RYR1: variants seen among roughly 807,000 people sequenced by gnomAD.
The protein encoded by RYR1 is central core disease of muscle.
Under a neutral mutation model 583.5 loss-of-function variants are expected in RYR1, and 342 were observed. The ratio of observed to expected loss-of-function variants is 0.59; its 90% confidence interval spans 0.54 to 0.64. The LOEUF (loss-of-function observed/expected upper bound fraction) is 0.64. RYR1 is among the 30% of genes least tolerant of loss of function. The pLI is 0.00. For synonymous variants in RYR1, 2,791 were observed against 2,822.5 expected, an observed-to-expected ratio of 0.99 and a Z score of 0.35; for missense variants, 6,032 against 6,917.2, an observed-to-expected ratio of 0.87 and a Z score of 4.54.
Position 38,528,335 on chromosome 19 carries a change from C to T in RYR1, c.10854C>T (p.Ala3618=), listed in dbSNP as rs1163398997. Residue 3618 remains alanine, a synonymous_variant, in exon 74 of 106, where the codon GCC becomes GCT. Transcript: ENST00000359596. ...AGCACCCTTACAAGTCTAAGAAGGC[C>T]GTGTGGCACAAGCTTTTGTCCAAAC... ...QTEHPYKSKK[A]VWHKLLSKQR... 7 of 1,614,110 alleles carry T rather than the reference C, an allele frequency of 4.3e-6. No homozygotes were observed. Among genetic ancestry groups the T allele is most frequent in the East Asian group, 2.2e-5 (1 of 44,866 alleles).
At chr19:38,560,064 T>C (rs767409441) in intron 89 of RYR1, among the ~76,000 whole-genome samples, 2 of 152,206 alleles carry the variant, frequency 1.3e-5, no homozygotes, top group Admixed American at 1.3e-4. Context: ...AGAAAAGTGT[T>C]GTCTGAAAGA....
intron 31 of RYR1, 65 bp downstream of exon 31, chr19:38,478,665 A>G: frequency 6.3e-7 from 1 of 1,579,272 alleles, no homozygotes; most frequent in Non-Finnish European, 8.6e-7. Flanking sequence ...CAGCTCTTAT[A>G]GATGTCCCCT....
At chr19:38,495,565 T>A (rs1334539917) in intron 39 of RYR1, among the ~76,000 whole-genome samples, 2 of 152,150 alleles carry the variant, frequency 1.3e-5, no homozygotes, top group Admixed American at 1.3e-4. Context: ...CAGGCTGGTC[T>A]TGGACTCCTG....
At position 38,496,290 on chromosome 19, in the gene RYR1, G is replaced by A; in HGVS notation, c.6624G>A (p.Met2208Ile). The change falls in exon 40 of 106, where the codon ATG becomes ATA. Residue 2208 changes from methionine (M) to isoleucine (I), a missense_variant. Physicochemically the swap from Met to Ile is conservative, Grantham distance 10. Coordinates refer to ENST00000359596, the MANE Select transcript of RYR1 (RefSeq NM_000540.3). The surrounding 1 kb of genome is among the most constrained non-coding windows in gnomAD (Gnocchi z 4.8). ...CGCTGGGCATGCACGAGACGGTCAT[G>A]GAGGTCATGGTCAACGTCCTCGGGG... ...MRALGMHETV[M>I]EVMVNVLGGG... 1 of 1,614,040 alleles carries A rather than the reference G, an allele frequency of 6.2e-7. No homozygotes were observed. Among genetic ancestry groups the A allele is most frequent in the Non-Finnish European group, 8.5e-7 (1 of 1,180,038 alleles).
chr19:38,565,343 T>A lies in RYR1; in HGVS notation c.13009T>A (p.Trp4337Arg). ...EAATAVAALLWAAVTRAGAAG... is the reference protein window; with the variant it reads ...EAATAVAALLRAAVTRAGAAG... Reference sequence around the variant, plus strand: ...GGCCACCGCAGTGGCGGCGCTGCTCTGGGCAGCAGTGACGCGCGCTGGGGC... The same window carrying A: ...GGCCACCGCAGTGGCGGCGCTGCTCAGGGCAGCAGTGACGCGCGCTGGGGC... The change falls in exon 91 of 106, where the codon TGG (tryptophan) becomes AGG (arginine). Residue 4337 changes from tryptophan (W) to arginine (R), a missense_variant. Trp to Arg is a moderately radical substitution (Grantham distance 101). This residue lies in a region of RYR1 where 753 missense variants were observed against 759.6 expected (regional missense o/e 0.99). Coordinates refer to ENST00000359596, the MANE Select transcript of RYR1 (RefSeq NM_000540.3). This position sits in a 1 kb window ranked among gnomAD's most constrained non-coding sequence, Gnocchi z 4.7. 8.0e-7 allele frequency: 1 copy of A among 1,256,014 alleles called. No homozygotes were observed. Among genetic ancestry groups the A allele is most frequent in the South Asian group, 3.0e-5 (1 of 33,740 alleles). 77.8% of individuals were successfully genotyped at this position (1,256,014 alleles called of 1,614,324 possible). A position where few individuals can be genotyped will look rare whatever the true frequency, so the allele number is the denominator to read the frequency against.
At chr19:38,541,209 A>G (rs1972174803) in intron 84 of RYR1, among the ~76,000 whole-genome samples, 1 of 152,198 alleles carries the variant, frequency 6.6e-6, no homozygotes, top group Non-Finnish European at 1.5e-5. Context: ...GGGCCTGAGC[A>G]CTGGGGTTTT....
chr19:38,499,551 C>T lies in RYR1; in HGVS notation c.7028-84C>T, dbSNP rs1970003117. ...GGAGCTGGATGGGACCTGTGTTACC[C>T]CTGGAGGTGTTGGGTCCTGGGGCTG... On this transcript the variant is annotated intron_variant, in intron 43 of 105. Coordinates refer to ENST00000359596, the MANE Select transcript of RYR1 (RefSeq NM_000540.3). This position sits in a 1 kb window ranked among gnomAD's most constrained non-coding sequence, Gnocchi z 7.3. 6.8e-7 allele frequency: 1 copy of T among 1,475,546 alleles called. No individual in the cohort carries two copies. The highest frequency in any genetic ancestry group is 9.3e-7 in the Non-Finnish European group (1 of 1,079,870). 91.4% of individuals were successfully genotyped at this position (1,475,546 alleles called of 1,614,324 possible). A position where few individuals can be genotyped will look rare whatever the true frequency, so the allele number is the denominator to read the frequency against.
rs763261800 is a variant in RYR1 at position 38,512,209 on chromosome 19, G to A, written c.9234-36G>A. On this transcript the variant is annotated intron_variant, in intron 62 of 105. Transcript: ENST00000359596. This position sits in a 1 kb window ranked among gnomAD's most constrained non-coding sequence, Gnocchi z 5.1. ...CAACCCCTGGTCTCCTAGACTCTCCGATTCCAGAGCTGATGTTCCCCCGCT... is the reference window on the plus strand; with the variant it reads ...CAACCCCTGGTCTCCTAGACTCTCCAATTCCAGAGCTGATGTTCCCCCGCT... 10 of 1,613,934 alleles carry A rather than the reference G, an allele frequency of 6.2e-6. No individual in the cohort carries two copies. The highest frequency in any genetic ancestry group is 5.5e-5 in the South Asian group (5 of 91,084).
chr19:38,532,745 G>T lies in RYR1; in HGVS notation c.11259+9G>T, dbSNP rs766539819. On this transcript the variant is annotated intron_variant, in intron 78 of 105. Coordinates refer to ENST00000359596, the MANE Select transcript of RYR1 (RefSeq NM_000540.3). Reference sequence around the variant, plus strand: ...TTGAGGTCTCCTTTGAGGTAGGTGGGCTCAGGAGGTCCTGGAGGGAAGGGA... The same window carrying T: ...TTGAGGTCTCCTTTGAGGTAGGTGGTCTCAGGAGGTCCTGGAGGGAAGGGA... 1.9e-6 allele frequency: 3 copies of T among 1,613,638 alleles called. No individual in the cohort carries two copies. Among genetic ancestry groups the T allele is most frequent in the Non-Finnish European group, 2.5e-6 (3 of 1,179,864 alleles).
chr19:38,500,867 C>A lies in RYR1; in HGVS notation c.7491C>A (p.Asp2497Glu). ...QPKMSASFVP[D>E]HKASMVLFLD... ...AGATGTCAGCATCCTTCGTGCCGGA[C>A]CACAAGGCGTCCATGGTGCTCTTCC... The change falls in exon 47 of 106, where the codon GAC (aspartate) becomes GAA (glutamate). Residue 2497 changes from aspartate to glutamate, a missense_variant. Coordinates refer to ENST00000359596, the MANE Select transcript of RYR1 (RefSeq NM_000540.3). The surrounding 1 kb of genome is among the most constrained non-coding windows in gnomAD (Gnocchi z 5.9). 6.2e-7 allele frequency: 1 copy of A among 1,614,072 alleles called. No homozygotes were observed. Among genetic ancestry groups the A allele is most frequent in the Non-Finnish European group, 8.5e-7 (1 of 1,180,010 alleles).
Position 38,543,966 on chromosome 19 carries a change from C to G in RYR1, c.12012+91C>G, listed in dbSNP as rs1273984994. 1 of 1,231,652 alleles carries G rather than the reference C, an allele frequency of 8.1e-7. No individual in the cohort carries two copies. The highest frequency in any genetic ancestry group is 1.2e-6 in the Non-Finnish European group (1 of 863,626). The allele number at this position is 1,231,652 out of a possible 1,614,324, so 76.3% of individuals were successfully genotyped here. ...CTTGCCCCTTTGGTCAGTTTGTCAC[C>G]CGAGTGCTCCCGGCATGTTCCAGAC... On this transcript the variant is annotated intron_variant, in intron 87 of 105. Coordinates refer to ENST00000359596, the MANE Select transcript of RYR1 (RefSeq NM_000540.3). The surrounding 1 kb of genome is among the most constrained non-coding windows in gnomAD (Gnocchi z 4.4).
Position 38,463,421 on chromosome 19 carries a change from A to G in RYR1, c.2578-2A>G. The G allele has an allele frequency of 6.2e-7, 1 of 1,613,726 alleles. No individual in the cohort carries two copies. Among genetic ancestry groups the G allele is most frequent in the Non-Finnish European group, 8.5e-7 (1 of 1,179,866 alleles). Reference sequence around the variant, plus strand: ...GTCTCAAGAACGTCCCTCTGCCTCTAGATTGTCCTGCCGCCCCATCTGGAG... The same window carrying G: ...GTCTCAAGAACGTCCCTCTGCCTCTGGATTGTCCTGCCGCCCCATCTGGAG... On this transcript the variant is annotated splice_acceptor_variant, in intron 20 of 105. Transcript: ENST00000359596. LOFTEE classifies it high-confidence loss of function.
chr19:38,433,894 G>T lies in RYR1; in HGVS notation c.45+20G>T. ...CGGACGGTGCGTATCTCTGGGTTAG[G>T]GGCCTGTGGGGCTATCTCTTGGGGC... On this transcript the variant is annotated intron_variant, in intron 1 of 105. Transcript: ENST00000359596. 1.2e-6 allele frequency: 2 copies of T among 1,607,518 alleles called. No individual in the cohort carries two copies. Among genetic ancestry groups the T allele is most frequent in the South Asian group, 1.1e-5 (1 of 90,950 alleles).
chr19:38,504,131 T>C, intron 49 of RYR1, 89 bp from the exon 50 acceptor site: 2 of 1,412,694 alleles, frequency 1.4e-6, no homozygotes, highest in South Asian at 1.2e-5. Flanking sequence ...TTAAAAGCAC[T>C]GGCATGCCTG....
chr19:38,440,688 A>G, intron 1 of RYR1, 57 bp from the exon 2 acceptor site: 1 of 1,590,084 alleles, frequency 6.3e-7, no homozygotes, highest in Non-Finnish European at 8.6e-7. Flanking sequence ...TGTGGTCTGC[A>G]GTATTTGTGG....
rs778829166 is a variant in RYR1 at position 38,550,250 on chromosome 19, C to A, written c.12282+1830C>A. Among the ~76,000 whole-genome samples, 34 of 152,054 alleles carry A rather than the reference C, an allele frequency of 2.2e-4. 1 individual carries two copies. Among genetic ancestry groups the A allele is most frequent in the Non-Finnish European group, 7.4e-5 (5 of 68,018 alleles). On this transcript the variant is annotated intron_variant, in intron 89 of 105. Coordinates refer to ENST00000359596, the MANE Select transcript of RYR1 (RefSeq NM_000540.3). ...ATGTCTTTTCTTTGCCAACCCAGAA[C>A]CAGGGATTGTATTTAGGTGTTCTGT... is the stretch of plus-strand genomic sequence containing the variant.
Position 38,505,982 on chromosome 19 carries a change from A to AG in RYR1, c.8541+36_8541+37insG, listed in dbSNP as rs1568512574. ...GGCCTGGGTGGAGGGCAGGGGCACG[A>AG]TGGGGGGAGGGTCTAGAACAAGGGG... On this transcript the variant is annotated intron_variant, in intron 54 of 105. Transcript: ENST00000359596. 3.0e-5 allele frequency: 46 copies of AG among 1,548,470 alleles called. 1 individual carries two copies. The highest frequency in any genetic ancestry group is 6.8e-5 in the South Asian group (6 of 87,720).
Position 38,483,521 on chromosome 19 carries a change from G to T in RYR1, c.4934+5G>T. 1 of 1,543,026 alleles carries T rather than the reference G, an allele frequency of 6.5e-7. No homozygotes were observed. Among genetic ancestry groups the T allele is most frequent in the Non-Finnish European group, 8.7e-7 (1 of 1,148,590 alleles). ...GCACATCCCCGAGGAGAACCGGTCAGGGCCAGCCCAGCTATGCAGGGGTGG... is the reference window on the plus strand; with the variant it reads ...GCACATCCCCGAGGAGAACCGGTCATGGCCAGCCCAGCTATGCAGGGGTGG... On this transcript the variant is annotated splice_donor_5th_base_variant and intron_variant, in intron 33 of 105. Coordinates refer to ENST00000359596, the MANE Select transcript of RYR1 (RefSeq NM_000540.3). The surrounding 1 kb of genome is among the most constrained non-coding windows in gnomAD (Gnocchi z 6.3).
intron 11 of RYR1, among the ~76,000 whole-genome samples, chr19:38,450,454 G>A (rs974907619): frequency 3.3e-5 from 5 of 152,158 alleles, no homozygotes; most frequent in African/African-American, 1.2e-4. Flanking sequence ...CAGAGAACAA[G>A]GACGCAGACA....
Sources: gnomAD v4.1 joint callset for allele counts (sites outside exome capture counted in the v4.1 genomes callset) on GRCh38, gnomAD v4.1.1 for gene constraint, gnomAD v4.1.1 regional missense constraint, Gnocchi (gnomAD v3.1) non-coding constraint, MANE v1.5 for transcripts, NCBI Gene and HGNC (gene_info 2026-07-23, HGNC 2026-07-21) for gene names.